Variants in PTPRD observed in about 807,000 individuals in gnomAD.
PTPRD encodes the protein receptor-type tyrosine-protein phosphatase delta.
PTPRD carries 34 observed loss-of-function variants against 214.5 expected under a neutral mutation model. That is an observed-to-expected ratio of 0.16 (90% CI 0.12 to 0.21). PTPRD has a LOEUF of 0.21. PTPRD is among the 10% of genes least tolerant of loss of function. PTPRD has a pLI of 1.00. For synonymous variants in PTPRD, 1,128 were observed against 845.7 expected (o/e 1.33, Z -5.79); for missense variants, 2,545 against 2,398.7 (o/e 1.06, Z -1.27).
At chr9:9,075,966 G>A (rs927694573) in intron 10 of PTPRD, among the ~76,000 whole-genome samples, 2 of 152,164 alleles carry the variant, frequency 1.3e-5, no homozygotes, top group African/African-American at 4.8e-5. Context: ...TCTAGTTCTA[G>A]ATCCTAGAGA....
chr9:10,560,505 A>C (rs185713137), intron 2 of PTPRD, among the ~76,000 whole-genome samples: 1 of 152,144 alleles, frequency 6.6e-6, no homozygotes, highest in East Asian at 1.9e-4. Context: ...ACATGTATAC[A>C]TATGTAACTA....
chr9:9,258,088 T>C (rs1450620335), intron 9 of PTPRD, among the ~76,000 whole-genome samples: 1 of 105,602 alleles, frequency 9.5e-6, no homozygotes, highest in African/African-American at 4.1e-5. Flanking sequence ...AATGAATGGA[T>C]AGAGATAGAT....
intron 28 of PTPRD, 55 bp from the exon 29 acceptor site, chr9:8,485,379 T>C (rs889714859): frequency 1.6e-6 from 2 of 1,274,970 alleles, no homozygotes; most frequent in Non-Finnish European, 2.3e-6. Flanking sequence ...AGATGACCTG[T>C]CCTTTCCACC....
chr9:9,896,034 A>G (rs185971951), intron 5 of PTPRD, among the ~76,000 whole-genome samples: 114 of 152,210 alleles, frequency 7.5e-4, no homozygotes, highest in African/African-American at 2.7e-3. Flanking sequence ...CGAGATGACT[A>G]CAAAGCTTAG....
intron 21 of PTPRD, among the ~76,000 whole-genome samples, chr9:8,507,871 A>T (rs2097573927): frequency 6.6e-6 from 1 of 152,216 alleles, no homozygotes; most frequent in Non-Finnish European, 1.5e-5. Flanking sequence ...AACATTCAAA[A>T]TTATTTCCAA....
intron 8 of PTPRD, among the ~76,000 whole-genome samples, chr9:9,558,203 G>A (rs1183761631): frequency 6.6e-6 from 1 of 152,196 alleles, no homozygotes; most frequent in Non-Finnish European, 1.5e-5. Context: ...AGCCAAGCAA[G>A]CCTGTACAGT....
intron 10 of PTPRD, among the ~76,000 whole-genome samples, chr9:9,124,546 T>C (rs1389321224): frequency 6.6e-6 from 1 of 152,070 alleles, no homozygotes; most frequent in African/African-American, 2.4e-5. Flanking sequence ...AATCAAGCAA[T>C]TATAGACTCT....
At chr9:8,379,083 C>T (rs1256837927) in intron 37 of PTPRD, among the ~76,000 whole-genome samples, 1 of 152,086 alleles carries the variant, frequency 6.6e-6, no homozygotes, top group Non-Finnish European at 1.5e-5. Flanking sequence ...TTGAACAATG[C>T]ATTTTTAGTA....
intron 3 of PTPRD, among the ~76,000 whole-genome samples, chr9:10,124,956 A>G (rs2098804615): frequency 6.6e-6 from 1 of 152,228 alleles, no homozygotes; most frequent in Non-Finnish European, 1.5e-5. Context: ...CAGAAATGGT[A>G]GAGGACCCTT....
chr9:10,438,303 C>A (rs2098736032), intron 2 of PTPRD, among the ~76,000 whole-genome samples: 1 of 151,304 alleles, frequency 6.6e-6, no homozygotes, highest in African/African-American at 2.4e-5. Flanking sequence ...TATAAGGGTT[C>A]CATTTATGAT....
At chr9:9,944,954 A>C (rs1374087550) in intron 4 of PTPRD, among the ~76,000 whole-genome samples, 1 of 151,802 alleles carries the variant, frequency 6.6e-6, no homozygotes, top group Non-Finnish European at 1.5e-5. Flanking sequence ...GCCTACTGTA[A>C]AAGTCTAGAA....
intron 34 of PTPRD, among the ~76,000 whole-genome samples, chr9:8,438,239 T>A (rs1219715478): frequency 6.6e-6 from 1 of 152,194 alleles, no homozygotes; most frequent in African/African-American, 2.4e-5. Context: ...AATGCCAAAT[T>A]ATTAATGGTT....
intron 12 of PTPRD, among the ~76,000 whole-genome samples, chr9:8,695,837 T>A (rs1007814529): frequency 6.6e-6 from 1 of 152,238 alleles, no homozygotes; most frequent in Non-Finnish European, 1.5e-5. Flanking sequence ...TATCCAGTTT[T>A]CTTAAGTTGG....
chr9:9,034,959 T>A (rs2099616848), intron 10 of PTPRD, among the ~76,000 whole-genome samples: 2 of 152,256 alleles, frequency 1.3e-5, no homozygotes, highest in African/African-American at 4.8e-5. Context: ...TGGTCTGAGT[T>A]ATTCAGAATT....
chr9:8,710,242 G>T (rs1392316481), intron 12 of PTPRD, among the ~76,000 whole-genome samples: 2 of 152,076 alleles, frequency 1.3e-5, no homozygotes, highest in Non-Finnish European at 2.9e-5. Context: ...GAAAGACTTG[G>T]CTCTCTTAAA....
At chr9:10,278,362 G>A (rs984819526) in intron 3 of PTPRD, among the ~76,000 whole-genome samples, 3 of 152,134 alleles carry the variant, frequency 2.0e-5, no homozygotes, top group Non-Finnish European at 2.9e-5. Context: ...AGCTTTCTGG[G>A]AGACTGCTGT....
intron 12 of PTPRD, among the ~76,000 whole-genome samples, chr9:8,663,657 A>G (rs2097112166): frequency 6.6e-6 from 1 of 151,966 alleles, no homozygotes. Flanking sequence ...ACACCCGGCT[A>G]ATTTTTGTAT....
chr9:8,877,751 G>C (rs2098406750), intron 11 of PTPRD, among the ~76,000 whole-genome samples: 1 of 152,114 alleles, frequency 6.6e-6, no homozygotes, highest in South Asian at 2.1e-4. Context: ...AATGAGACAG[G>C]CCAATAGACA....
chr9:9,180,891 G>C (rs1405993439), intron 10 of PTPRD, among the ~76,000 whole-genome samples: 1 of 152,060 alleles, frequency 6.6e-6, no homozygotes, highest in Non-Finnish European at 1.5e-5. Context: ...AGACAATATG[G>C]AGAAGTTGGA....
Sources: gnomAD v4.1 joint callset for allele counts (sites outside exome capture counted in the v4.1 genomes callset) on GRCh38, gnomAD v4.1.1 for gene constraint, MANE v1.5 for transcripts, NCBI Gene and HGNC (gene_info 2026-07-23, HGNC 2026-07-21) for gene names.